RGS7: variants seen among roughly 807,000 people sequenced by gnomAD.
RGS7 encodes regulator of G protein signaling 7, also known as regulator of G-protein signaling 7.
In RGS7, 27 loss-of-function variants were observed where a neutral mutation model predicts 81.1. The ratio of observed to expected loss-of-function variants is 0.33; its 90% confidence interval spans 0.25 to 0.46. The LOEUF (loss-of-function observed/expected upper bound fraction) is 0.46. Ranked by LOEUF, RGS7 falls within the 20% of genes least tolerant of loss-of-function variation. The probability of loss-of-function intolerance (pLI) is 1.00; values close to 1 mark genes in which losing one functional copy is unlikely to be tolerated. For synonymous variants in RGS7, 208 were observed against 207.7 expected (o/e 1.00, Z -0.01); for missense variants, 396 against 607.4 (o/e 0.65, Z 3.66).
intron 3 of RGS7, among the ~76,000 whole-genome samples, chr1:240,990,312 G>C (rs1686275039): frequency 6.6e-6 from 1 of 152,128 alleles, no homozygotes; most frequent in African/African-American, 2.4e-5. Context: ...AGAAAAGAGA[G>C]GAAAAGTGGA....
At chr1:241,002,042 CTTG>C (rs1688223450) in intron 3 of RGS7, among the ~76,000 whole-genome samples, 1 of 152,078 alleles carries the variant, frequency 6.6e-6, no homozygotes, top group Non-Finnish European at 1.5e-5. Context: ...CTGGTTGGGA[CTTG>C]TTGGTAGTGG....
chr1:240,904,980 G>A (rs796550132), intron 6 of RGS7, among the ~76,000 whole-genome samples: 1 of 152,062 alleles, frequency 6.6e-6, no homozygotes, highest in African/African-American at 2.4e-5. Context: ...ACTTTTGCCA[G>A]TTCAGGGTAC....
At chr1:241,276,467 G>C (rs183417961) in intron 2 of RGS7, among the ~76,000 whole-genome samples, 1 of 152,296 alleles carries the variant, frequency 6.6e-6, no homozygotes, top group African/African-American at 2.4e-5. Flanking sequence ...AGTAGGAAAT[G>C]GCTTAGAAGT....
chr1:240,847,955 G>A (rs1376381727), intron 9 of RGS7, among the ~76,000 whole-genome samples: 1 of 152,050 alleles, frequency 6.6e-6, no homozygotes, highest in Non-Finnish European at 1.5e-5. Flanking sequence ...ATTACTAACA[G>A]ATATAAGGAC....
intron 3 of RGS7, among the ~76,000 whole-genome samples, chr1:241,009,815 G>C (rs113109634): frequency 1.1e-3 from 170 of 152,368 alleles, no homozygotes; most frequent in Middle Eastern, 3.4e-3. Flanking sequence ...AAATAGGTCA[G>C]ATGAAAGTTC....
At chr1:241,022,500 C>T (rs2148699689) in intron 3 of RGS7, among the ~76,000 whole-genome samples, 1 of 152,300 alleles carries the variant, frequency 6.6e-6, no homozygotes, top group Admixed American at 6.5e-5. Context: ...GCAGAGTCTA[C>T]ATTCTAATGC....
At chr1:240,907,049 C>T (rs1670935110) in intron 6 of RGS7, among the ~76,000 whole-genome samples, 2 of 152,138 alleles carry the variant, frequency 1.3e-5, no homozygotes, top group South Asian at 4.1e-4. Flanking sequence ...GTGATCTTGG[C>T]TTGGTGATTC....
chr1:241,214,454 T>C (rs2074433065), intron 2 of RGS7, among the ~76,000 whole-genome samples: 1 of 152,112 alleles, frequency 6.6e-6, no homozygotes, highest in Non-Finnish European at 1.5e-5. Context: ...TTTTAAATTT[T>C]TCTTTCAACC....
At chr1:241,161,804 A>G (rs10926421) in intron 2 of RGS7, among the ~76,000 whole-genome samples, 10,442 of 146,678 alleles carry the variant, frequency 0.071, 1,236 homozygotes, top group African/African-American at 0.25. Flanking sequence ...TGCAACCTCC[A>G]CCTCCCAGGT....
At chr1:240,965,613 G>A (rs113840339) in intron 4 of RGS7, among the ~76,000 whole-genome samples, 4 of 152,068 alleles carry the variant, frequency 2.6e-5, no homozygotes, top group African/African-American at 4.8e-5. Flanking sequence ...CTTCCTTCCC[G>A]GCAGCAGTGT....
rs751945996 is a variant in RGS7 at position 240,860,679 on chromosome 1, T to C, written c.609+7908A>G. 5.9e-5 allele frequency among the ~76,000 whole-genome samples: 9 copies of C among 152,286 alleles called. No individual in the cohort carries two copies. In the South Asian group the frequency reaches 8.3e-4, roughly 14 times the overall value. ...GACATTTATGGGACTACAGGCAAGA[T>C]AGAAGAAAGACAAGAGACCTTCCAA... On this transcript the variant is annotated intron_variant, in intron 9 of 18. Coordinates refer to ENST00000440928, the MANE Select transcript of RGS7 (RefSeq NM_001364886.1).
At chr1:241,009,107 C>A (rs1485762409) in intron 3 of RGS7, among the ~76,000 whole-genome samples, 2 of 152,006 alleles carry the variant, frequency 1.3e-5, no homozygotes, top group Non-Finnish European at 2.9e-5. Flanking sequence ...ATTGTTGGAT[C>A]TTCATTATAG....
chr1:241,259,650 C>CAAAAAAAAAAAAAAAAAAAAAAAAAAA (rs71571832), intron 2 of RGS7, among the ~76,000 whole-genome samples: 8 of 39,902 alleles, frequency 2.0e-4, no homozygotes, highest in Non-Finnish European at 2.9e-4. Context: ...AACTCCGTCT[C>CAAAAAAAAAAAAAAAAAAAAAAAAAAA]AAAAAAAAAA....
intron 4 of RGS7, among the ~76,000 whole-genome samples, chr1:240,954,558 G>A (rs371730096): frequency 5.3e-5 from 8 of 151,290 alleles, no homozygotes; most frequent in African/African-American, 1.2e-4. Context: ...CCATGTAAAA[G>A]AAAAAAAAAC....
chr1:241,046,559 TG>T (rs1264704670), intron 3 of RGS7, among the ~76,000 whole-genome samples: 2 of 152,296 alleles, frequency 1.3e-5, no homozygotes, highest in East Asian at 3.9e-4. Context: ...GAACTGCAAG[TG>T]GGTTATTCTA....
intron 10 of RGS7, 74 bp from the exon 11 acceptor site, chr1:240,816,489 C>T (rs1690821565): frequency 2.0e-6 from 2 of 1,022,940 alleles, no homozygotes; most frequent in Non-Finnish European, 3.1e-6. Context: ...AAAAGTAACT[C>T]TAGCATAAAT....
chr1:241,069,892 G>T lies in RGS7; in HGVS notation c.175+28774C>A, dbSNP rs371673748. 2.6e-4 allele frequency among the ~76,000 whole-genome samples: 40 copies of T among 152,280 alleles called. No homozygotes were observed. The South Asian group carries it at 7.1e-3, about 27-fold the overall frequency. The stretch of plus-strand genomic sequence containing the variant: ...TCATGAATTCCTTCTATTTTACTGG[G>T]TACCTTATTTGATCATTTAATACTT... On this transcript the variant is annotated intron_variant, in intron 3 of 18. Transcript: ENST00000440928.
chr1:240,968,529 A>C (rs1466040679), intron 4 of RGS7, among the ~76,000 whole-genome samples: 2 of 138,572 alleles, frequency 1.4e-5, no homozygotes, highest in Admixed American at 8.0e-5. Context: ...AATCACTTGA[A>C]TTTAATATAA....
intron 2 of RGS7, among the ~76,000 whole-genome samples, chr1:241,254,651 A>G (rs921387939): frequency 6.6e-6 from 1 of 152,228 alleles, no homozygotes; most frequent in Admixed American, 6.5e-5. Context: ...TGGAGGAGAC[A>G]CAAACATTCA....
Sources: allele counts gnomAD v4.1 joint callset (sites outside exome capture counted in the v4.1 genomes callset), GRCh38; gene constraint gnomAD v4.1.1; transcripts MANE v1.5; gene names NCBI Gene and HGNC (gene_info 2026-07-23, HGNC 2026-07-21).